CDH13: variants seen among roughly 807,000 people sequenced by gnomAD.
CDH13 encodes cadherin-13.
Under a neutral mutation model 63.8 loss-of-function variants are expected in CDH13, and 24 were observed. The ratio of observed to expected loss-of-function variants is 0.38; its 90% CI spans 0.27 to 0.53. CDH13 has a LOEUF of 0.53. Ranked by LOEUF, CDH13 falls within the 20% of genes least tolerant of loss-of-function variation. CDH13 has a pLI of 0.85. For synonymous variants in CDH13, 503 were observed against 355.3 expected, an observed-to-expected ratio of 1.42 and a Z score of -4.67; for missense variants, 1,049 against 903.1, an observed-to-expected ratio of 1.16 and a Z score of -2.07.
intron 4 of CDH13, among the ~76,000 whole-genome samples, chr16:83,200,505 G>C: frequency 6.6e-6 from 1 of 152,036 alleles, no homozygotes; most frequent in East Asian, 1.9e-4. Context: ...TTCCTCCTTA[G>C]TCCCCTGTCT....
intron 1 of CDH13, among the ~76,000 whole-genome samples, chr16:82,750,578 C>G (rs2034372201): frequency 6.6e-6 from 1 of 152,276 alleles, no homozygotes; most frequent in African/African-American, 2.4e-5. Context: ...GAAAGCTGAG[C>G]CCATTTTTGT....
intron 1 of CDH13, among the ~76,000 whole-genome samples, chr16:82,691,780 T>A (rs2043720968): frequency 6.6e-6 from 1 of 152,108 alleles, no homozygotes; most frequent in African/African-American, 2.4e-5. Flanking sequence ...TATTCTGACA[T>A]GGGTTAATAA....
intron 4 of CDH13, among the ~76,000 whole-genome samples, chr16:83,178,612 G>A (rs2038223356): frequency 6.6e-6 from 1 of 152,024 alleles, no homozygotes; most frequent in Admixed American, 6.5e-5. Flanking sequence ...TGATCACTTT[G>A]TGAATTCTGT....
intron 4 of CDH13, among the ~76,000 whole-genome samples, chr16:83,192,262 TG>T (rs1209765946): frequency 6.6e-6 from 1 of 152,180 alleles, no homozygotes; most frequent in Non-Finnish European, 1.5e-5. Flanking sequence ...TTGACCTTCA[TG>T]CCCACAGTAT....
chr16:82,832,399 C>A (rs571683519), intron 1 of CDH13, among the ~76,000 whole-genome samples: 2 of 152,038 alleles, frequency 1.3e-5, no homozygotes, highest in African/African-American at 4.8e-5. Flanking sequence ...TAGGTACTTA[C>A]GACTTAGGTG....
intron 5 of CDH13, among the ~76,000 whole-genome samples, chr16:83,247,677 C>G (rs984147097): frequency 6.6e-6 from 1 of 152,158 alleles, no homozygotes; most frequent in African/African-American, 2.4e-5. Context: ...TCATTTTTCA[C>G]TGTTTTAATG....
intron 7 of CDH13, among the ~76,000 whole-genome samples, chr16:83,516,890 G>A (rs75377491): frequency 0.022 from 3,299 of 152,292 alleles, 121 homozygotes; most frequent in African/African-American, 0.074. Flanking sequence ...GGAGGAAGTG[G>A]TATTTATTTT....
chr16:83,122,203 G>T, intron 3 of CDH13, among the ~76,000 whole-genome samples: 1 of 152,204 alleles, frequency 6.6e-6, no homozygotes, highest in East Asian at 1.9e-4. Flanking sequence ...AGATCAAAGA[G>T]GAAGTCTCAG....
chr16:82,768,393 C>T (rs886521780), intron 1 of CDH13, among the ~76,000 whole-genome samples: 2 of 152,142 alleles, frequency 1.3e-5, no homozygotes, highest in African/African-American at 4.8e-5. Context: ...TTGACCATTT[C>T]AGCCACTACA....
chr16:82,700,577 C>T (rs148434139), intron 1 of CDH13, among the ~76,000 whole-genome samples: 468 of 151,862 alleles, frequency 3.1e-3, no homozygotes, highest in South Asian at 7.3e-3. Flanking sequence ...AAATGTCCAT[C>T]CCCAGGGATT....
intron 8 of CDH13, among the ~76,000 whole-genome samples, chr16:83,611,142 A>G (rs537433760): frequency 1.3e-5 from 2 of 152,146 alleles, no homozygotes; most frequent in African/African-American, 4.8e-5. Flanking sequence ...AAGTTGGGTT[A>G]TTAGTCTTTC....
rs566582762 is a variant in CDH13, at chr16:83,461,220, A to G, written c.782-25257A>G. Among the ~76,000 whole-genome samples, 43 of 152,300 alleles carry G rather than the reference A, an allele frequency of 2.8e-4. 2 individuals carry two copies. In the South Asian group the frequency reaches 8.7e-3, roughly 31 times the overall value. On this transcript the variant is annotated intron_variant, in intron 6 of 13. Coordinates refer to ENST00000567109, the MANE Select transcript of CDH13 (RefSeq NM_001257.5). ...TGTGTATATAGGTACATATACACAT[A>G]CATGTATATGTACATATTCCTATTT...
intron 5 of CDH13, among the ~76,000 whole-genome samples, chr16:83,218,710 A>G (rs2151789801): frequency 6.6e-6 from 1 of 152,276 alleles, no homozygotes. Flanking sequence ...TTCTTAACAG[A>G]GTGATCAAGA....
chr16:83,743,872 G>A (rs1912314857), intron 10 of CDH13, among the ~76,000 whole-genome samples: 1 of 148,750 alleles, frequency 6.7e-6, no homozygotes, highest in African/African-American at 2.5e-5. Context: ...GGCCCTGGGG[G>A]TGCAGAGCAC....
intron 2 of CDH13, among the ~76,000 whole-genome samples, chr16:82,897,306 C>T (rs2041303639): frequency 6.6e-6 from 1 of 152,084 alleles, no homozygotes; most frequent in Non-Finnish European, 1.5e-5. Flanking sequence ...GTACTTCCTT[C>T]AATGAGAGAT....
At chr16:83,150,066 C>T (rs1033869255) in intron 4 of CDH13, among the ~76,000 whole-genome samples, 2 of 152,118 alleles carry the variant, frequency 1.3e-5, no homozygotes, top group African/African-American at 2.4e-5. Context: ...TTTTGCCTCT[C>T]TAGATGAAGG....
intron 7 of CDH13, among the ~76,000 whole-genome samples, chr16:83,488,856 C>G (rs1428691688): frequency 6.6e-6 from 1 of 152,114 alleles, no homozygotes; most frequent in East Asian, 1.9e-4. Flanking sequence ...AACTCCTGAC[C>G]TTAGGTGATC....
intron 1 of CDH13, among the ~76,000 whole-genome samples, chr16:82,742,367 A>C (rs1290467466): frequency 6.6e-6 from 1 of 152,160 alleles, no homozygotes; most frequent in Admixed American, 6.5e-5. Flanking sequence ...GAACATACAT[A>C]GCATTTATAG....
chr16:82,896,065 C>T (rs1003566785), intron 2 of CDH13, among the ~76,000 whole-genome samples: 2 of 152,090 alleles, frequency 1.3e-5, no homozygotes, highest in African/African-American at 2.4e-5. Flanking sequence ...AGGCATCACC[C>T]TGTTTTATGT....
Sources: allele counts gnomAD v4.1 joint callset (sites outside exome capture counted in the v4.1 genomes callset), GRCh38; gene constraint gnomAD v4.1.1; transcripts MANE v1.5; gene names NCBI Gene and HGNC (gene_info 2026-07-23, HGNC 2026-07-21).